The following OXCT1 variants were observed in gnomAD, a reference collection of about 807,000 sequenced individuals.
The protein encoded by OXCT1 is 3-oxoacid CoA-transferase 1.
In OXCT1, 27 loss-of-function variants were observed where a neutral mutation model predicts 69.6. The ratio of observed to expected loss-of-function variants is 0.39; its 90% CI spans 0.29 to 0.54. The LOEUF is 0.54. Ranked by LOEUF, OXCT1 falls within the 20% of genes least tolerant of loss-of-function variation. The pLI is 0.72. For synonymous variants in OXCT1, 202 were observed against 217.8 expected (o/e 0.93, Z 0.64); for missense variants, 437 against 650.2 (o/e 0.67, Z 3.57).
chr5:41,769,553 T>C (rs1268400262), intron 13 of OXCT1, among the ~76,000 whole-genome samples: 3 of 133,720 alleles, frequency 2.2e-5, no homozygotes, highest in Non-Finnish European at 3.1e-5. Flanking sequence ...AAAGACCCTA[T>C]CTCTACCAAA....
intron 7 of OXCT1, among the ~76,000 whole-genome samples, chr5:41,810,156 C>T (rs1325796730): frequency 1.3e-5 from 2 of 151,794 alleles, no homozygotes; most frequent in East Asian, 1.9e-4. Flanking sequence ...GTGCCAGTTT[C>T]GTGTGATCTT....
chr5:41,809,885 A>C (rs893536423), intron 7 of OXCT1, among the ~76,000 whole-genome samples: 4 of 152,062 alleles, frequency 2.6e-5, no homozygotes, highest in Non-Finnish European at 5.9e-5. Flanking sequence ...TTGTCATCCT[A>C]ATATAAATGG....
At chr5:41,846,898 T>A (rs975737815) in intron 5 of OXCT1, among the ~76,000 whole-genome samples, 1 of 152,246 alleles carries the variant, frequency 6.6e-6, no homozygotes, top group African/African-American at 2.4e-5. Flanking sequence ...GTGAGCATTT[T>A]TTCATGTTTT....
intron 14 of OXCT1, among the ~76,000 whole-genome samples, chr5:41,755,583 A>G (rs1438764041): frequency 2.0e-5 from 3 of 152,148 alleles, no homozygotes. Flanking sequence ...TTCCTTAAAA[A>G]GCCTTCATAT....
At chr5:41,859,867 A>ATATATATATATAT (rs1400113644) in intron 3 of OXCT1, among the ~76,000 whole-genome samples, 1 of 100,016 alleles carries the variant, frequency 1.0e-5, no homozygotes, top group African/African-American at 3.4e-5. Flanking sequence ...GTATAGTAAT[A>ATATATATATATAT]TATATATATA....
intron 6 of OXCT1, among the ~76,000 whole-genome samples, chr5:41,841,884 T>A (rs1442641882): frequency 2.0e-5 from 3 of 152,170 alleles, no homozygotes; most frequent in Non-Finnish European, 4.4e-5. Flanking sequence ...TATGAGAGTA[T>A]CACTGAGAAC....
At chr5:41,751,110 G>A (rs1051316570) in intron 14 of OXCT1, among the ~76,000 whole-genome samples, 1 of 151,936 alleles carries the variant, frequency 6.6e-6, no homozygotes, top group African/African-American at 2.4e-5. Flanking sequence ...AATTCTGCAC[G>A]ACACAGAAGC....
At chr5:41,813,100 T>C (rs1747066127) in intron 7 of OXCT1, among the ~76,000 whole-genome samples, 1 of 152,054 alleles carries the variant, frequency 6.6e-6, no homozygotes, top group Non-Finnish European at 1.5e-5. Flanking sequence ...AGAACATAAG[T>C]GGGCCAGGAA....
rs1395525998 is a variant in OXCT1 at position 41,731,630 on chromosome 5, C to A, written c.*99G>T. The A allele has an allele frequency of 1.2e-5, 18 of 1,493,034 alleles. No homozygotes were observed. The highest frequency in any genetic ancestry group is 2.8e-5 in the African/African-American group (2 of 71,546). 92.5% of individuals were successfully genotyped at this position (1,493,034 alleles called of 1,614,324 possible). ...GAAACACAAGAAAACTAATAAAAAA[C>A]CACCTGTTAAATACACAATTATGAT... is the stretch of plus-strand genomic sequence containing the variant. On this transcript the variant is annotated 3_prime_UTR_variant, in exon 17 of 17. Coordinates refer to ENST00000196371, the MANE Select transcript of OXCT1 (RefSeq NM_000436.4).
chr5:41,816,936 ATACTT>A (rs1321144110), intron 7 of OXCT1, among the ~76,000 whole-genome samples: 2 of 152,296 alleles, frequency 1.3e-5, no homozygotes, highest in East Asian at 3.9e-4. Flanking sequence ...CTCAAACTCT[ATACTT>A]AATCATATCT....
Position 41,801,000 on chromosome 5 carries a change from G to C in OXCT1, c.1099+22C>G, listed in dbSNP as rs777445321. The C allele has an allele frequency of 1.1e-5, 18 of 1,601,308 alleles. No homozygotes were observed. The Admixed American group carries it at 3.0e-4, about 27-fold the overall frequency. ...GCACAAAATTAATAGCAAAGGGAAG[G>C]GCTAGAAATAAGTGAGCTTACCTGC... On this transcript the variant is annotated intron_variant, in intron 11 of 16. Coordinates refer to ENST00000196371, the MANE Select transcript of OXCT1 (RefSeq NM_000436.4).
Position 41,805,651 on chromosome 5 carries a change from C to T in OXCT1, c.871G>A (p.Glu291Lys), listed in dbSNP as rs571091977. 1.2e-6 allele frequency: 2 copies of T among 1,611,824 alleles called. No individual in the cohort carries two copies. Among genetic ancestry groups the T allele is most frequent in the East Asian group, 4.5e-5 (2 of 44,826 alleles). Residue 291 changes from glutamate (E) to lysine (K), a missense_variant, in exon 9 of 17, where the codon GAA becomes AAA. This residue lies in a region of OXCT1 where 252 missense variants were observed against 397.4 expected (regional missense o/e 0.63). Coordinates refer to ENST00000196371, the MANE Select transcript of OXCT1 (RefSeq NM_000436.4). The stretch of plus-strand genomic sequence containing the variant: ...TCTCCAGGTTTAGCAGATTTGGCTT[C>T]CCCATCTCCCTCTTTCCGGATTGAT... ...RLSIRKEGDG[E>K]AKSAKPGDDV...
In OXCT1 at chr5:41,823,843, T is replaced by C. The variant is rs1202487686; in HGVS notation, c.733-16405A>G. Among the ~76,000 whole-genome samples the C allele has an allele frequency of 2.6e-5, 4 of 152,364 alleles. No homozygotes were observed. In the East Asian group the frequency reaches 7.7e-4, roughly 29 times the overall value. ...GAAAAAAACATTCTGTCTTCCTAAATGTGAAGGTTCTCATTTTACAGCTTT... is the reference window on the plus strand; with the variant it reads ...GAAAAAAACATTCTGTCTTCCTAAACGTGAAGGTTCTCATTTTACAGCTTT... On this transcript the variant is annotated intron_variant, in intron 7 of 16. Coordinates refer to ENST00000196371, the MANE Select transcript of OXCT1 (RefSeq NM_000436.4).
At chr5:41,759,515 G>C (rs920041191) in intron 14 of OXCT1, among the ~76,000 whole-genome samples, 3 of 152,010 alleles carry the variant, frequency 2.0e-5, no homozygotes, top group Admixed American at 2.0e-4. Context: ...AAGTTACAAT[G>C]CCAGTCTGAC....
At chr5:41,758,028 A>G (rs566451984) in intron 14 of OXCT1, among the ~76,000 whole-genome samples, 1 of 152,268 alleles carries the variant, frequency 6.6e-6, no homozygotes, top group East Asian at 1.9e-4. Context: ...GTCAGCAGTC[A>G]GGGACCTTTG....
At chr5:41,794,166 C>T in intron 12 of OXCT1, 88 bp from the exon 13 acceptor site, 1 of 898,338 alleles carries the variant, frequency 1.1e-6, no homozygotes, top group Non-Finnish European at 1.9e-6. Flanking sequence ...TAACTTCATA[C>T]CACCAAAATA....
chr5:41,803,335 A>G (rs1328644426), intron 9 of OXCT1, among the ~76,000 whole-genome samples, 172 bp from the exon 10 acceptor site: 2 of 151,784 alleles, frequency 1.3e-5, no homozygotes, highest in Non-Finnish European at 2.9e-5. Context: ...TAATTTTTCA[A>G]AAAAAAAGTC....
At chr5:41,817,634 T>C (rs2112318324) in intron 7 of OXCT1, among the ~76,000 whole-genome samples, 1 of 152,344 alleles carries the variant, frequency 6.6e-6, no homozygotes, top group Non-Finnish European at 1.5e-5. Flanking sequence ...GCTATATCCA[T>C]CCTTTCCTGA....
rs749504779 is a variant in OXCT1, at chr5:41,731,143, G to C, written c.*586C>G. 5.1e-5 allele frequency: 8 copies of C among 155,454 alleles called. No homozygotes were observed. The highest frequency in any genetic ancestry group is 8.5e-5 in the Non-Finnish European group (6 of 70,190). 9.6% of individuals were successfully genotyped at this position (155,454 alleles called of 1,614,324 possible). ...CAAAGCATAGATAGATAGTTGGTTT[G>C]AACTAGTTATTTCTCCCTGCCCTCC... On this transcript the variant is annotated 3_prime_UTR_variant, in exon 17 of 17. Coordinates refer to ENST00000196371, the MANE Select transcript of OXCT1 (RefSeq NM_000436.4).
Sources: gnomAD v4.1 joint callset for allele counts (sites outside exome capture counted in the v4.1 genomes callset) on GRCh38, gnomAD v4.1.1 for gene constraint, gnomAD v4.1.1 regional missense constraint, MANE v1.5 for transcripts, NCBI Gene and HGNC (gene_info 2026-07-23, HGNC 2026-07-21) for gene names.